Variants in DLG2 observed in about 807,000 individuals in gnomAD.
The protein encoded by DLG2 is disks large homolog 2.
DLG2 carries 45 observed loss-of-function variants against 132.5 expected under a neutral mutation model. The ratio of observed to expected loss-of-function variants is 0.34; its 90% confidence interval spans 0.27 to 0.44. The LOEUF (loss-of-function observed/expected upper bound fraction) is 0.44, where lower values mean the gene tolerates loss of function less well. DLG2 is among the 20% of genes least tolerant of loss of function. The probability of loss-of-function intolerance (pLI) is 1.00; values close to 1 mark genes in which losing one functional copy is unlikely to be tolerated. For synonymous variants in DLG2, 424 were observed against 419.6 expected (o/e 1.01, Z -0.13); for missense variants, 1,045 against 1,196.9 (o/e 0.87, Z 1.87).
At chr11:83,859,388 G>A (rs917772219) in intron 16 of DLG2, among the ~76,000 whole-genome samples, 5 of 152,216 alleles carry the variant, frequency 3.3e-5, no homozygotes, top group African/African-American at 1.2e-4. Context: ...GGTCTCAGAT[G>A]GAAACGGGGA....
chr11:85,220,990 C>T (rs2074600348), intron 4 of DLG2, among the ~76,000 whole-genome samples: 1 of 151,648 alleles, frequency 6.6e-6, no homozygotes, highest in African/African-American at 2.4e-5. Context: ...TCATTTGGTG[C>T]TACCTTATGA....
At chr11:85,078,497 AG>A (rs1200836257) in intron 6 of DLG2, among the ~76,000 whole-genome samples, 4 of 151,936 alleles carry the variant, frequency 2.6e-5, no homozygotes, top group African/African-American at 9.7e-5. Flanking sequence ...TAAGACATAT[AG>A]AAGGGGTACA....
chr11:84,194,430 G>C (rs2096474786), intron 8 of DLG2, among the ~76,000 whole-genome samples: 1 of 152,162 alleles, frequency 6.6e-6, no homozygotes, highest in African/African-American at 2.4e-5. Context: ...GATCATAAAG[G>C]TGGCACAGAC....
At chr11:84,130,687 C>T (rs1346117075) in intron 9 of DLG2, among the ~76,000 whole-genome samples, 1 of 151,276 alleles carries the variant, frequency 6.6e-6, no homozygotes, top group African/African-American at 2.4e-5. Context: ...TATTTGTGTC[C>T]AACTTGTGAC....
At chr11:84,578,822 A>G (rs2099509545) in intron 6 of DLG2, among the ~76,000 whole-genome samples, 1 of 152,122 alleles carries the variant, frequency 6.6e-6, no homozygotes, top group African/African-American at 2.4e-5. Context: ...GTAGAATGAT[A>G]TGGCTTGGCT....
At chr11:85,145,616 C>A (rs982467324) in intron 5 of DLG2, among the ~76,000 whole-genome samples, 10 of 151,822 alleles carry the variant, frequency 6.6e-5, no homozygotes, top group Admixed American at 5.9e-4. Flanking sequence ...TTCAGAGATT[C>A]GAAAGCATTT....
chr11:83,935,109 G>T (rs113792426), intron 14 of DLG2, among the ~76,000 whole-genome samples: 1 of 152,206 alleles, frequency 6.6e-6, no homozygotes, highest in Admixed American at 6.5e-5. Flanking sequence ...GCATCCAACC[G>T]CATGCCCTGT....
At chr11:84,965,294 T>C (rs923790503) in intron 6 of DLG2, among the ~76,000 whole-genome samples, 1 of 152,044 alleles carries the variant, frequency 6.6e-6, no homozygotes, top group East Asian at 1.9e-4. Context: ...TGTGTGTGTG[T>C]GCACGGTTTT....
intron 25 of DLG2, among the ~76,000 whole-genome samples, chr11:83,468,629 C>G (rs1360872034): frequency 6.6e-6 from 1 of 152,120 alleles, no homozygotes; most frequent in Non-Finnish European, 1.5e-5. Context: ...GAAATAGGAT[C>G]CCTCTGTAGG....
chr11:84,884,365 A>C (rs2087874562), intron 6 of DLG2, among the ~76,000 whole-genome samples: 1 of 152,114 alleles, frequency 6.6e-6, no homozygotes, highest in Non-Finnish European at 1.5e-5. Flanking sequence ...GTCTCTAAGT[A>C]ACCACTAAAT....
intron 6 of DLG2, among the ~76,000 whole-genome samples, chr11:84,754,328 G>A (rs765007709): frequency 1.3e-5 from 2 of 152,102 alleles, no homozygotes; most frequent in African/African-American, 4.8e-5. Context: ...TATCCTTTAT[G>A]GCATTGAACT....
At chr11:85,108,007 AACACACACAC>A (rs10654409) in intron 6 of DLG2, among the ~76,000 whole-genome samples, 1 of 142,256 alleles carries the variant, frequency 7.0e-6, no homozygotes, top group Non-Finnish European at 1.5e-5. Context: ...CAAACAAATA[AACACACACAC>A]ACACACACAC....
At chr11:84,050,206 G>T (rs896088845) in intron 11 of DLG2, among the ~76,000 whole-genome samples, 2 of 149,096 alleles carry the variant, frequency 1.3e-5, no homozygotes, top group African/African-American at 2.5e-5. Context: ...TTGAATTTTT[G>T]GAAGATTGGT....
At chr11:84,523,354 G>T (rs886686891) in intron 7 of DLG2, among the ~76,000 whole-genome samples, 2 of 152,118 alleles carry the variant, frequency 1.3e-5, no homozygotes, top group African/African-American at 2.4e-5. Context: ...GACACAGCTA[G>T]AAAGCAACTA....
chr11:85,538,770 C>T (rs916253664), intron 3 of DLG2, among the ~76,000 whole-genome samples: 6 of 151,790 alleles, frequency 4.0e-5, no homozygotes, highest in Non-Finnish European at 7.3e-5. Flanking sequence ...TGTTCTCACT[C>T]ATAAATGGGA....
intron 6 of DLG2, among the ~76,000 whole-genome samples, chr11:84,892,166 G>A (rs541767755): frequency 1.3e-5 from 2 of 152,138 alleles, no homozygotes; most frequent in Admixed American, 6.5e-5. Flanking sequence ...TAAATGATAT[G>A]TTGTGACACA....
intron 16 of DLG2, among the ~76,000 whole-genome samples, chr11:83,873,079 C>G (rs1208103488): frequency 1.3e-5 from 2 of 152,136 alleles, no homozygotes; most frequent in Non-Finnish European, 2.9e-5. Flanking sequence ...ATGAATTGTA[C>G]AACCAGTGCT....
At chr11:84,014,909 C>T (rs1303892964) in intron 11 of DLG2, among the ~76,000 whole-genome samples, 5 of 151,876 alleles carry the variant, frequency 3.3e-5, no homozygotes, top group East Asian at 3.9e-4. Flanking sequence ...TCTCCACCCT[C>T]GAGAATGTTA....
chr11:85,464,030 CGA>C (rs1297745224), intron 3 of DLG2, among the ~76,000 whole-genome samples: 1 of 18,142 alleles, frequency 5.5e-5, no homozygotes, highest in Non-Finnish European at 1.5e-4. Flanking sequence ...ACACGCCCCC[CGA>C]GAGAGAGAGA....
Sources: allele counts gnomAD v4.1 joint callset (sites outside exome capture counted in the v4.1 genomes callset), GRCh38; gene constraint gnomAD v4.1.1; transcripts MANE v1.5; gene names NCBI Gene and HGNC (gene_info 2026-07-23, HGNC 2026-07-21).